The following GPHN variants were observed in gnomAD, a reference collection of about 807,000 sequenced individuals.
The protein encoded by GPHN is gephyrin.
In GPHN, 17 loss-of-function variants were observed where a neutral mutation model predicts 95.5. The ratio of observed to expected loss-of-function variants is 0.18; its 90% confidence interval spans 0.12 to 0.27. The LOEUF is 0.27. GPHN is among the 10% of genes least tolerant of loss of function. GPHN has a pLI of 1.00. For synonymous variants in GPHN, 320 were observed against 322.5 expected, an observed-to-expected ratio of 0.99 and a Z score of 0.08; for missense variants, 660 against 978.1, an observed-to-expected ratio of 0.67 and a Z score of 4.34.
chr14:66,964,438 A>C (rs967196015), intron 8 of GPHN, among the ~76,000 whole-genome samples: 1 of 152,206 alleles, frequency 6.6e-6, no homozygotes, highest in Non-Finnish European at 1.5e-5. Flanking sequence ...AATTGAGGAG[A>C]GTTCAATAAG....
intron 5 of GPHN, among the ~76,000 whole-genome samples, chr14:66,903,440 CA>C (rs1567081802): frequency 6.6e-6 from 1 of 151,958 alleles, no homozygotes. Flanking sequence ...ATTTGTAGTC[CA>C]TTTTATCTAA....
intron 1 of GPHN, among the ~76,000 whole-genome samples, chr14:66,676,676 T>A (rs1332294365): frequency 6.6e-6 from 1 of 151,144 alleles, no homozygotes; most frequent in East Asian, 1.9e-4. Flanking sequence ...TAGTGTATTT[T>A]TTTTTTTTTT....
chr14:67,373,044 A>G, the GPHN span, among the ~76,000 whole-genome samples: 7 of 152,314 alleles, frequency 4.6e-5, no homozygotes, highest in East Asian at 1.9e-4. Context: ...TTAAAAATCA[A>G]TTGAGAGACA....
At chr14:67,379,511 G>A in the GPHN span, among the ~76,000 whole-genome samples, 3 of 151,840 alleles carry the variant, frequency 2.0e-5, no homozygotes, top group African/African-American at 4.8e-5. Flanking sequence ...TTGTCTTCTC[G>A]TTACTTTATG....
the GPHN span, among the ~76,000 whole-genome samples, chr14:67,261,797 A>G: frequency 6.6e-6 from 1 of 152,082 alleles, no homozygotes; most frequent in Non-Finnish European, 1.5e-5. Flanking sequence ...AGCAATAGAT[A>G]TCTTGTTACC....
At chr14:66,985,862 A>G in intron 9 of GPHN, 1 of 573,910 alleles carries the variant, frequency 1.7e-6, no homozygotes. Context: ...TTTTATTTTA[A>G]TATTTTTATT....
the GPHN span, chr14:67,302,464 G>C: frequency 1.3e-6 from 2 of 1,599,380 alleles, no homozygotes; most frequent in Non-Finnish European, 8.5e-7. Flanking sequence ...GATAGTAAAA[G>C]GGGGTGCTGC....
chr14:67,033,772 G>C (rs2074296301), intron 10 of GPHN, among the ~76,000 whole-genome samples: 1 of 146,550 alleles, frequency 6.8e-6, no homozygotes, highest in African/African-American at 2.5e-5. Flanking sequence ...CCCACACTAA[G>C]ACATGTTATA....
chr14:66,854,495 G>C (rs1313083284), intron 4 of GPHN, among the ~76,000 whole-genome samples: 1 of 152,108 alleles, frequency 6.6e-6, no homozygotes, highest in Non-Finnish European at 1.5e-5. Context: ...TAAAATAGTG[G>C]AACACTTAGG....
At chr14:66,811,828 T>C (rs1474951645) in intron 3 of GPHN, among the ~76,000 whole-genome samples, 1 of 152,202 alleles carries the variant, frequency 6.6e-6, no homozygotes, top group African/African-American at 2.4e-5. Flanking sequence ...TCCAGTATAA[T>C]TGAATAGCTC....
At chr14:67,584,227 AC>A in the GPHN span, 1 of 1,125,514 alleles carries the variant, frequency 8.9e-7, no homozygotes, top group Non-Finnish European at 1.3e-6. Flanking sequence ...ACCAGTAACC[AC>A]CAGAGGTCAC....
intron 18 of GPHN, among the ~76,000 whole-genome samples, chr14:67,144,250 A>AAATATATAT (rs1168342196): frequency 1.3e-3 from 75 of 57,742 alleles, no homozygotes; most frequent in Non-Finnish European, 1.8e-3. Flanking sequence ...AAAAAAAAAA[A>AAATATATAT]ATATATATAT....
chr14:67,349,143 C>A, the GPHN span: 1 of 1,588,066 alleles, frequency 6.3e-7, no homozygotes, highest in South Asian at 1.1e-5. Context: ...GCAGACTCTT[C>A]AGAAATAAAC....
chr14:67,559,568 T>A, the GPHN span: 1 of 1,392,200 alleles, frequency 7.2e-7, no homozygotes, highest in Non-Finnish European at 1.0e-6. Context: ...ACTCTCCTGG[T>A]GATTGTTGGG....
chr14:66,967,659 G>T (rs979869882), intron 9 of GPHN, among the ~76,000 whole-genome samples: 5 of 151,880 alleles, frequency 3.3e-5, no homozygotes, highest in African/African-American at 1.2e-4. Flanking sequence ...CAGATTTTCA[G>T]ATAGGGATGC....
intron 8 of GPHN, among the ~76,000 whole-genome samples, chr14:66,963,000 T>C (rs972231389): frequency 2.2e-4 from 34 of 151,974 alleles, no homozygotes; most frequent in African/African-American, 7.5e-4. Context: ...TTAGAGATCT[T>C]ATCTCCCTTC....
At chr14:67,651,126 A>T in the GPHN span, 1 of 901,900 alleles carries the variant, frequency 1.1e-6, no homozygotes, top group Non-Finnish European at 1.6e-6. Context: ...ACAGGGTATT[A>T]ATATGCTACA....
chr14:66,546,488 A>C (rs1566580042), intron 1 of GPHN, among the ~76,000 whole-genome samples: 5 of 152,302 alleles, frequency 3.3e-5, no homozygotes, highest in Middle Eastern at 3.4e-3. Context: ...AACATCGAGC[A>C]CTGAGTGAAC....
At chr14:67,238,965 T>G in the GPHN span, among the ~76,000 whole-genome samples, 1 of 152,154 alleles carries the variant, frequency 6.6e-6, no homozygotes, top group Non-Finnish European at 1.5e-5. Context: ...TTTATAGCAC[T>G]TCTTTTCCTG....
Sources: allele counts gnomAD v4.1 joint callset (sites outside exome capture counted in the v4.1 genomes callset), GRCh38; gene constraint gnomAD v4.1.1; transcripts MANE v1.5; gene names NCBI Gene and HGNC (gene_info 2026-07-23, HGNC 2026-07-21).